Variants in RGPD1 observed in about 807,000 individuals in gnomAD.
RGPD1 encodes the protein RANBP2-like and GRIP domain-containing protein 1.
A neutral mutation model predicts 40.6 loss-of-function variants in RGPD1; 7 were observed. That is an observed-to-expected ratio of 0.17 (90% CI 0.10 to 0.32). The LOEUF (loss-of-function observed/expected upper bound fraction) is 0.32. Ranked by LOEUF, RGPD1 falls within the 10% of genes least tolerant of loss-of-function variation. The pLI is 1.00. For missense variants in RGPD1, 50 were observed against 472.5 expected (o/e 0.11, Z 8.29); for synonymous variants, 24 against 167.0 (o/e 0.14, Z 6.60).
intron 1 of RGPD1, among the ~76,000 whole-genome samples, chr2:86,928,425 G>C (rs1678663038): frequency 6.6e-6 from 1 of 152,180 alleles, no homozygotes; most frequent in African/African-American, 2.4e-5. Context: ...TCACTCTTGA[G>C]TGACCTGGGA....
chr2:86,927,192 G>T (rs1455034753), intron 1 of RGPD1, among the ~76,000 whole-genome samples: 1 of 151,124 alleles, frequency 6.6e-6, no homozygotes, highest in Non-Finnish European at 1.5e-5. Context: ...GTGTAAATTG[G>T]TATGTTCCGT....
chr2:86,914,082 G>GGGCGGC (rs1169436520), intron 1 of RGPD1, among the ~76,000 whole-genome samples: 1 of 34,614 alleles, frequency 2.9e-5, no homozygotes, highest in African/African-American at 1.3e-4. Context: ...CGGCCTGGCC[G>GGGCGGC]GGCGGCGGCG....
intron 1 of RGPD1, among the ~76,000 whole-genome samples, chr2:86,924,414 C>T (rs1174973952): frequency 1.3e-5 from 2 of 150,910 alleles, no homozygotes; most frequent in African/African-American, 4.8e-5. Flanking sequence ...GTTGACCTCC[C>T]AAAGTGCTGA....
chr2:86,984,818 C>G lies in RGPD1; in HGVS notation c.2646C>G (p.Leu882=). The G allele has an allele frequency of 2.7e-6, 2 of 729,516 alleles. No homozygotes were observed. Among genetic ancestry groups the G allele is most frequent in the Non-Finnish European group, 1.8e-6 (1 of 554,220 alleles). 45.2% of individuals were successfully genotyped at this position (729,516 alleles called of 1,614,324 possible). The change falls in exon 19 of 23, where the codon CTC becomes CTG. Residue 882 remains leucine (L), a synonymous_variant. Transcript: ENST00000641458. ...QSPAYNSQYL[L]RPAANVTPTK... ...CAGCATATAATTCCCAGTATCTTCTCAGACCAGCAGCTAATGTTACTCCCA... is the reference window on the plus strand; with the variant it reads ...CAGCATATAATTCCCAGTATCTTCTGAGACCAGCAGCTAATGTTACTCCCA...
chr2:86,942,187 C>A lies in RGPD1; in HGVS notation c.-50C>A, dbSNP rs1378149104. 262 of 1,556,000 alleles carry A rather than the reference C, an allele frequency of 1.7e-4. 4 individuals carry two copies. The East Asian group carries it at 6.3e-3, about 37-fold the overall frequency. On this transcript the variant is annotated 5_prime_UTR_variant, in exon 1 of 23. Transcript: ENST00000641458. ...TTCCTGTTGGAATTGGCGACTGCTG[C>A]GGGGCTGAGCGCTGGTTTCACGCGT...
At chr2:86,918,182 C>G (rs911690999) in intron 1 of RGPD1, among the ~76,000 whole-genome samples, 18 of 151,110 alleles carry the variant, frequency 1.2e-4, no homozygotes, top group African/African-American at 4.1e-4. Context: ...ACCATCTACT[C>G]TGTACTTATA....
intron 22 of RGPD1, among the ~76,000 whole-genome samples, chr2:87,000,839 T>A (rs1264445488): frequency 1.4e-4 from 1 of 7,142 alleles, no homozygotes; most frequent in Admixed American, 1.5e-3. Flanking sequence ...TAATCCCAGC[T>A]ACTTGGGAGG....
At chr2:86,942,744 C>G (rs184278550) in intron 1 of RGPD1, among the ~76,000 whole-genome samples, 17,186 of 149,836 alleles carry the variant, frequency 0.11, 2,240 homozygotes, top group African/African-American at 0.33. Context: ...CGTCATGGCT[C>G]CTGACGGGCG....
intron 1 of RGPD1, among the ~76,000 whole-genome samples, chr2:86,943,197 T>A (rs1158936308): frequency 1.3e-5 from 2 of 149,708 alleles, no homozygotes; most frequent in Non-Finnish European, 1.5e-5. Flanking sequence ...ACAGGGGAAG[T>A]CCCCTTGTTT....
At position 86,930,696 on chromosome 2, in the gene RGPD1, G is replaced by T; in HGVS notation, c.72+16775G>T. The T allele has an allele frequency of 3.1e-6, 5 of 1,592,386 alleles. No individual in the cohort carries two copies. The South Asian group carries it at 5.6e-5, about 18-fold the overall frequency. On this transcript the variant is annotated intron_variant, in intron 1 of 22. Transcript: ENST00000398193. ...GCACAGCTCTCGAAGCTGCTGTTGCGGCGCCCGAAGTGCCCCCCAGGCCTC... is the reference window on the plus strand; with the variant it reads ...GCACAGCTCTCGAAGCTGCTGTTGCTGCGCCCGAAGTGCCCCCCAGGCCTC...
intron 9 of RGPD1, among the ~76,000 whole-genome samples, chr2:86,973,773 C>G (rs2104824154): frequency 1.3e-5 from 1 of 78,332 alleles, no homozygotes; most frequent in South Asian, 4.5e-4. Context: ...GTTAGGTGTT[C>G]TTTATTTGGC....
At chr2:86,913,807 G>C (rs1336719750), upstream of RGPD1, 1 of 1,520,148 alleles carries the variant, frequency 6.6e-7, no homozygotes, top group Non-Finnish European at 8.9e-7. Context: ...CTGCGGGGCT[G>C]AGCGCTGGTT....
chr2:86,931,226 G>A (rs1013314899), intron 1 of RGPD1, among the ~76,000 whole-genome samples: 1 of 151,382 alleles, frequency 6.6e-6, no homozygotes, highest in African/African-American at 2.5e-5. Context: ...TTATGTGATA[G>A]TGTTTTGTAC....
intron 1 of RGPD1, among the ~76,000 whole-genome samples, chr2:86,924,839 T>G (rs1369808034): frequency 6.6e-6 from 1 of 151,580 alleles, no homozygotes; most frequent in Non-Finnish European, 1.5e-5. Flanking sequence ...TTTAATTTCT[T>G]TTAAATGAAA....
chr2:86,942,896 G>T (rs990828994), intron 1 of RGPD1, among the ~76,000 whole-genome samples: 3 of 152,012 alleles, frequency 2.0e-5, no homozygotes, highest in Non-Finnish European at 4.4e-5. Context: ...TCTTTCTCCC[G>T]GTTTGTTCCC....
chr2:86,947,706 C>G (rs1680409832), intron 1 of RGPD1, among the ~76,000 whole-genome samples: 1 of 140,118 alleles, frequency 7.1e-6, no homozygotes, highest in Non-Finnish European at 1.6e-5. Context: ...TGAGAGATTT[C>G]CTTACCCTTA....
upstream of RGPD1, among the ~76,000 whole-genome samples, chr2:86,941,814 G>A (rs1284295725): frequency 1.3e-5 from 2 of 150,598 alleles, no homozygotes; most frequent in African/African-American, 2.5e-5. Context: ...AGTTTCAAGC[G>A]ATTCTCGTGC....
upstream of RGPD1, among the ~76,000 whole-genome samples, chr2:86,938,517 G>A (rs1237485444): frequency 2.0e-5 from 3 of 147,262 alleles, no homozygotes; most frequent in Non-Finnish European, 4.4e-5. Flanking sequence ...GTAAAGATCA[G>A]AGTAGGCATG....
chr2:86,984,723 GT>G, intron 18 of RGPD1, 30 bp from the exon 19 acceptor site: 1 of 1,074,850 alleles, frequency 9.3e-7, no homozygotes, highest in Admixed American at 3.6e-5. Context: ...CTTTAACAGT[GT>G]TTTCTTTCTT....
Sources: gnomAD v4.1 joint callset for allele counts (sites outside exome capture counted in the v4.1 genomes callset) on GRCh38, gnomAD v4.1.1 for gene constraint, MANE v1.5 for transcripts, NCBI Gene and HGNC (gene_info 2026-07-23, HGNC 2026-07-21) for gene names.